PRKCQ: variants seen among roughly 807,000 people sequenced by gnomAD.
The protein encoded by PRKCQ is protein kinase C theta, also known as protein kinase C theta type.
Under a neutral mutation model 91.2 loss-of-function variants are expected in PRKCQ, and 41 were observed. The observed-to-expected ratio is 0.45, with a 90% CI of 0.35 to 0.58. PRKCQ has a LOEUF of 0.58. Among genes scored for constraint, PRKCQ ranks in the 20% least tolerant of loss-of-function variants. The pLI is 0.00. For synonymous variants in PRKCQ, 307 were observed against 316.9 expected, an observed-to-expected ratio of 0.97 and a Z score of 0.33; for missense variants, 673 against 896.5, an observed-to-expected ratio of 0.75 and a Z score of 3.18.
At chr10:6,434,071 C>T (rs1365720450) in intron 16 of PRKCQ, among the ~76,000 whole-genome samples, 2 of 148,484 alleles carry the variant, frequency 1.3e-5, no homozygotes, top group African/African-American at 2.5e-5. Flanking sequence ...GAATAAGTGA[C>T]TTGCCCTATA....
In PRKCQ at chr10:6,465,208, G is replaced by A. The variant is rs1292355178; in HGVS notation, c.1354-804C>T. On this transcript the variant is annotated intron_variant, in intron 12 of 17. Coordinates refer to ENST00000263125, the MANE Select transcript of PRKCQ (RefSeq NM_006257.5). The surrounding 1 kb of genome is among the most constrained non-coding windows in gnomAD (Gnocchi z 4.4). ...TCTGTGGGCGTGGCGTGGGGGGAGT[G>A]GGCGGGTCATGTCAGTCATTCCTCC... Among the ~76,000 whole-genome samples the A allele has an allele frequency of 1.3e-5, 2 of 152,174 alleles. No homozygotes were observed. Among genetic ancestry groups the A allele is most frequent in the African/African-American group, 4.8e-5 (2 of 41,430 alleles).
chr10:6,544,788 AT>A lies in PRKCQ; in HGVS notation c.-9-29645del, dbSNP rs547582136. On this transcript the variant is annotated intron_variant, in intron 1 of 17. Coordinates refer to ENST00000263125, the MANE Select transcript of PRKCQ (RefSeq NM_006257.5). ...GGCACGTACCACCGCACCTGGCTAA[AT>A]TTTTATATTTTTAGTAGAGACAGTG... Among the ~76,000 whole-genome samples, 470 of 151,956 alleles carry A rather than the reference AT, an allele frequency of 3.1e-3. 2 individuals carry two copies. Among genetic ancestry groups the A allele is most frequent in the African/African-American group, 0.011 (442 of 41,444 alleles).
intron 12 of PRKCQ, among the ~76,000 whole-genome samples, chr10:6,472,910 G>A (rs183571294): frequency 4.6e-5 from 7 of 151,934 alleles, no homozygotes; most frequent in Admixed American, 6.6e-5. Context: ...ACAGAGTTTC[G>A]CCATGTTGGC....
chr10:6,492,238 T>TAAAAAAA, intron 7 of PRKCQ, among the ~76,000 whole-genome samples: 1 of 147,326 alleles, frequency 6.8e-6, no homozygotes, highest in Non-Finnish European at 1.5e-5. Flanking sequence ...TTGGAAGATG[T>TAAAAAAA]AAAAAAAAAA....
intron 1 of PRKCQ, among the ~76,000 whole-genome samples, chr10:6,553,990 G>A (rs1422505585): frequency 1.3e-5 from 2 of 151,916 alleles, no homozygotes; most frequent in African/African-American, 4.8e-5. Context: ...AAAACAGAGT[G>A]TCGCAGACAT....
At chr10:6,513,224 C>T (rs1000118407) in intron 2 of PRKCQ, among the ~76,000 whole-genome samples, 2 of 152,086 alleles carry the variant, frequency 1.3e-5, no homozygotes, top group African/African-American at 4.8e-5. Context: ...CCTTACACCC[C>T]AAGAACTGAA....
intron 1 of PRKCQ, among the ~76,000 whole-genome samples, chr10:6,524,975 T>C (rs1564373719): frequency 6.6e-6 from 1 of 152,204 alleles, no homozygotes; most frequent in Non-Finnish European, 1.5e-5. Context: ...AGGCTTTCCA[T>C]CAGCTTTTAG....
intron 1 of PRKCQ, among the ~76,000 whole-genome samples, chr10:6,527,283 T>A (rs1033614637): frequency 1.3e-5 from 2 of 152,144 alleles, no homozygotes; most frequent in Non-Finnish European, 2.9e-5. Context: ...TTATTGGGAA[T>A]CATGGGACTA....
the PRKCQ span, among the ~76,000 whole-genome samples, chr10:6,402,303 T>G: frequency 6.7e-6 from 1 of 149,548 alleles, no homozygotes; most frequent in South Asian, 2.1e-4. Flanking sequence ...AAACTGCGTG[T>G]TCTGCACATC....
chr10:6,436,647 T>C (rs1217705058), intron 16 of PRKCQ, among the ~76,000 whole-genome samples: 1 of 152,224 alleles, frequency 6.6e-6, no homozygotes, highest in Non-Finnish European at 1.5e-5. Flanking sequence ...TTTAATGAAG[T>C]TATATCAATG....
At position 6,430,751 on chromosome 10, in the gene PRKCQ, G is replaced by A; in HGVS notation, c.1965+59C>T. The A allele has an allele frequency of 1.3e-6, 2 of 1,582,746 alleles. No individual in the cohort carries two copies. Among genetic ancestry groups the A allele is most frequent in the Non-Finnish European group, 8.6e-7 (1 of 1,162,662 alleles). ...GCAGCTGCGGTGACTTGGACAGGCA[G>A]ACGGCCCTGAGCGGAGGGAGAGTGG... On this transcript the variant is annotated intron_variant, in intron 17 of 17. Transcript: ENST00000263125. This position sits in a 1 kb window ranked among gnomAD's most constrained non-coding sequence, Gnocchi z 4.7.
chr10:6,435,601 T>G (rs1328741291), intron 16 of PRKCQ, among the ~76,000 whole-genome samples: 1 of 152,232 alleles, frequency 6.6e-6, no homozygotes, highest in African/African-American at 2.4e-5. Flanking sequence ...ATGTCAACTT[T>G]GAACAGCAGT....
intron 15 of PRKCQ, among the ~76,000 whole-genome samples, chr10:6,443,704 C>A (rs921993481): frequency 9.2e-5 from 14 of 152,274 alleles, no homozygotes; most frequent in African/African-American, 3.1e-4. Context: ...TACCTCCACA[C>A]AGAGGAATAT....
chr10:6,456,404 G>C (rs1036736163), intron 15 of PRKCQ, among the ~76,000 whole-genome samples: 6 of 152,102 alleles, frequency 3.9e-5, no homozygotes, highest in African/African-American at 1.4e-4. Flanking sequence ...CCTTCTGGTA[G>C]GTCTGAGCAG....
At chr10:6,575,953 T>C (rs1003093578) in intron 1 of PRKCQ, among the ~76,000 whole-genome samples, 1 of 152,046 alleles carries the variant, frequency 6.6e-6, no homozygotes, top group Non-Finnish European at 1.5e-5. Context: ...GGCAGGAGAA[T>C]TGCTTGAACC....
intron 15 of PRKCQ, among the ~76,000 whole-genome samples, chr10:6,454,806 G>T (rs544484752): frequency 3.9e-5 from 6 of 152,092 alleles, no homozygotes; most frequent in Non-Finnish European, 8.8e-5. Flanking sequence ...GAAGTTGCTC[G>T]TGGAGGATGT....
intron 1 of PRKCQ, among the ~76,000 whole-genome samples, chr10:6,568,287 G>C (rs373583351): frequency 3.7e-4 from 56 of 152,074 alleles, no homozygotes; most frequent in African/African-American, 1.3e-3. Context: ...AAAAAATTAT[G>C]ATTTTGTTTT....
At chr10:6,464,499 G>A in intron 12 of PRKCQ, 95 bp from the exon 13 acceptor site, 1 of 1,062,542 alleles carries the variant, frequency 9.4e-7, no homozygotes, top group African/African-American at 1.6e-5. Flanking sequence ...TCCCAGGCTG[G>A]AGTGCAGTGG....
the PRKCQ span, among the ~76,000 whole-genome samples, chr10:6,416,496 T>C: frequency 3.3e-5 from 5 of 152,344 alleles, no homozygotes; most frequent in East Asian, 7.7e-4. Flanking sequence ...ACTTCACTTA[T>C]AATAATTGTC....
Sources: allele counts gnomAD v4.1 joint callset (sites outside exome capture counted in the v4.1 genomes callset), GRCh38; gene constraint gnomAD v4.1.1; non-coding constraint Gnocchi (gnomAD v3.1); transcripts MANE v1.5; gene names NCBI Gene and HGNC (gene_info 2026-07-23, HGNC 2026-07-21).